Variants in TCEA1 observed in about 807,000 individuals in gnomAD.
The protein encoded by TCEA1 is transcription elongation factor A protein 1.
A neutral mutation model predicts 43.8 loss-of-function variants in TCEA1; 21 were observed. The ratio of observed to expected loss-of-function variants is 0.48; its 90% CI spans 0.34 to 0.69. TCEA1 has a LOEUF of 0.69. TCEA1 is among the 30% of genes least tolerant of loss of function. The pLI is 0.01. For synonymous variants in TCEA1, 104 were observed against 117.5 expected, an observed-to-expected ratio of 0.88 and a Z score of 0.75; for missense variants, 250 against 365.1, an observed-to-expected ratio of 0.68 and a Z score of 2.57.
rs1803955267 is a variant in TCEA1 at position 53,993,665 on chromosome 8, T to C, written c.320+3A>G. ...ATAAATATATGTCTATACTGTGAAG[T>C]ACCTTTCTTCTCTTGCCTCAGGGCT... is the stretch of plus-strand genomic sequence containing the variant. On this transcript the variant is annotated splice_donor_region_variant and intron_variant, in intron 4 of 9. Transcript: ENST00000521604. 6.2e-7 allele frequency: 1 copy of C among 1,608,870 alleles called. No individual in the cohort carries two copies.
At chr8:53,982,381 G>A (rs937786644) in intron 7 of TCEA1, among the ~76,000 whole-genome samples, 5 of 152,096 alleles carry the variant, frequency 3.3e-5, no homozygotes, top group Non-Finnish European at 4.4e-5. Flanking sequence ...GCCGAGGCGG[G>A]TGGATCACCT....
intron 4 of TCEA1, 138 bp downstream of exon 4, chr8:53,993,530 G>A (rs1440476740): frequency 3.3e-6 from 2 of 604,950 alleles, no homozygotes; most frequent in South Asian, 5.0e-5. Context: ...TAGAATACAT[G>A]GCTACATACA....
At chr8:53,994,377 A>G (rs1323196762) in intron 3 of TCEA1, among the ~76,000 whole-genome samples, 1 of 152,214 alleles carries the variant, frequency 6.6e-6, no homozygotes. Flanking sequence ...AAATTAAAGC[A>G]TACACAGCAA....
At chr8:54,018,510 G>A (rs1287060192) in intron 1 of TCEA1, among the ~76,000 whole-genome samples, 1 of 152,128 alleles carries the variant, frequency 6.6e-6, no homozygotes, top group Non-Finnish European at 1.5e-5. Flanking sequence ...ACATTTTAGT[G>A]ATGACAAAGA....
At chr8:53,970,348 CTATTTT>C in intron 9 of TCEA1, 38 bp downstream of exon 9, 1 of 1,310,162 alleles carries the variant, frequency 7.6e-7, no homozygotes, top group Non-Finnish European at 1.1e-6. Context: ...AGAAATCTTT[CTATTTT>C]AAGTGAGTAT....
intron 2 of TCEA1, among the ~76,000 whole-genome samples, chr8:54,006,197 T>G (rs1236215136): frequency 6.6e-6 from 1 of 152,226 alleles, no homozygotes; most frequent in East Asian, 1.9e-4. Flanking sequence ...TGTATGGACT[T>G]TTCTTTGGGT....
Position 53,987,227 on chromosome 8 carries a change from C to G in TCEA1, c.467-202G>C, listed in dbSNP as rs546553911. On this transcript the variant is annotated intron_variant, in intron 5 of 9. Transcript: ENST00000521604. ...GGCTTCACCTGATACCCACAGTGCT[C>G]CTGCACTGATGATTCCTGATCCCTC... Among the ~76,000 whole-genome samples the G allele has an allele frequency of 2.6e-5, 4 of 152,312 alleles. No homozygotes were observed. In the East Asian group the frequency reaches 7.7e-4, roughly 29 times the overall value.
intron 1 of TCEA1, among the ~76,000 whole-genome samples, chr8:54,011,326 G>C (rs777783096): frequency 1.4e-4 from 21 of 152,158 alleles, no homozygotes; most frequent in Admixed American, 6.5e-5. Flanking sequence ...TTTCATAGAA[G>C]AATCCACAAA....
intron 1 of TCEA1, among the ~76,000 whole-genome samples, chr8:54,010,915 A>C (rs1476833519): frequency 6.6e-6 from 1 of 152,016 alleles, no homozygotes; most frequent in Non-Finnish European, 1.5e-5. Context: ...TCCTGGGTTC[A>C]AGCGATTCTC....
chr8:54,000,115 T>G (rs1586021097), intron 2 of TCEA1, 65 bp from the exon 3 acceptor site: 1 of 974,598 alleles, frequency 1.0e-6, no homozygotes, highest in Non-Finnish European at 1.5e-6. Context: ...GTATTTCACC[T>G]ACATTCTTTT....
At chr8:54,020,684 T>C (rs529542214) in intron 1 of TCEA1, among the ~76,000 whole-genome samples, 9 of 152,336 alleles carry the variant, frequency 5.9e-5, no homozygotes, top group South Asian at 4.1e-4. Context: ...ACCCTTTATG[T>C]ACTCACAGCT....
At chr8:54,019,936 T>G (rs536643785) in intron 1 of TCEA1, among the ~76,000 whole-genome samples, 35 of 152,306 alleles carry the variant, frequency 2.3e-4, no homozygotes, top group African/African-American at 8.4e-4. Flanking sequence ...AAACTTAGAT[T>G]TGAGAAGAAA....
rs965985431 is a variant in TCEA1, at chr8:53,968,063, C to G, written c.*41G>C. 1 of 1,517,104 alleles carries G rather than the reference C, an allele frequency of 6.6e-7. No homozygotes were observed. The highest frequency in any genetic ancestry group is 1.4e-5 in the African/African-American group (1 of 72,582). The allele number at this position is 1,517,104 out of a possible 1,614,324, so 94.0% of individuals were successfully genotyped here. ...CTAGTTTAAAGCTAGTTACAAAATC[C>G]GTTTTCTTAATGGTCCAGATATTTT... On this transcript the variant is annotated 3_prime_UTR_variant, in exon 10 of 10. Coordinates refer to ENST00000521604, the MANE Select transcript of TCEA1 (RefSeq NM_006756.4).
At chr8:53,984,027 GA>G (rs1803606659) in intron 7 of TCEA1, among the ~76,000 whole-genome samples, 2 of 152,232 alleles carry the variant, frequency 1.3e-5, no homozygotes. Flanking sequence ...TTGAACCCAG[GA>G]GGGGGAGGTT....
At chr8:53,976,482 TG>T (rs1435268297) in intron 8 of TCEA1, among the ~76,000 whole-genome samples, 2 of 152,204 alleles carry the variant, frequency 1.3e-5, no homozygotes, top group African/African-American at 4.8e-5. Flanking sequence ...CTTTTACATC[TG>T]TTATTTCCAT....
chr8:53,979,469 C>T (rs563433116), intron 7 of TCEA1, among the ~76,000 whole-genome samples: 1 of 152,326 alleles, frequency 6.6e-6, no homozygotes, highest in African/African-American at 2.4e-5. Flanking sequence ...CTGACTCCAT[C>T]TTGCTTCTAG....
chr8:53,999,620 C>T (rs763209470), intron 3 of TCEA1: 1 of 272,216 alleles, frequency 3.7e-6, no homozygotes, highest in East Asian at 6.5e-5. Flanking sequence ...TTTAATCATC[C>T]TTGCAAGTTT....
chr8:54,019,753 A>G (rs1190346392), intron 1 of TCEA1, among the ~76,000 whole-genome samples: 5 of 152,158 alleles, frequency 3.3e-5, no homozygotes, highest in Non-Finnish European at 5.9e-5. Flanking sequence ...AGTTGGGGAA[A>G]AGAGGAGTGT....
chr8:54,000,247 T>C (rs1217509901), intron 2 of TCEA1, among the ~76,000 whole-genome samples, 197 bp from the exon 3 acceptor site: 1 of 152,190 alleles, frequency 6.6e-6, no homozygotes, highest in East Asian at 1.9e-4. Context: ...TTAATGTTCT[T>C]ATCATCAAGA....
Sources: gnomAD v4.1 joint callset for allele counts (sites outside exome capture counted in the v4.1 genomes callset) on GRCh38, gnomAD v4.1.1 for gene constraint, MANE v1.5 for transcripts, NCBI Gene and HGNC (gene_info 2026-07-23, HGNC 2026-07-21) for gene names.